The following FLNB variants were observed in gnomAD, a reference collection of about 807,000 sequenced individuals.
FLNB encodes the protein filamin-B.
A neutral mutation model predicts 250.6 loss-of-function variants in FLNB; 111 were observed. That is an observed-to-expected ratio of 0.44 (90% CI 0.38 to 0.52). FLNB has a LOEUF of 0.52. FLNB is among the 20% of genes least tolerant of loss of function. The pLI is 0.00. For missense variants in FLNB, 2,869 were observed against 3,447.8 expected, an observed-to-expected ratio of 0.83 and a Z score of 4.20; for synonymous variants, 1,302 against 1,372.1, an observed-to-expected ratio of 0.95 and a Z score of 1.13.
intron 17 of FLNB, 49 bp downstream of exon 17, chr3:58,111,930 C>A: frequency 6.8e-7 from 1 of 1,473,892 alleles, no homozygotes; most frequent in Non-Finnish European, 9.5e-7. Flanking sequence ...CAGCCGGTGG[C>A]ACTGGGCGTG....
chr3:58,058,232 A>G (rs2097173232), intron 1 of FLNB, among the ~76,000 whole-genome samples: 1 of 152,192 alleles, frequency 6.6e-6, no homozygotes. Flanking sequence ...AACTTTTACT[A>G]AGTTATCTTT....
intron 1 of FLNB, among the ~76,000 whole-genome samples, chr3:58,031,523 C>G (rs529393906): frequency 7.0e-6 from 1 of 143,462 alleles, no homozygotes; most frequent in Admixed American, 7.2e-5. Flanking sequence ...GGATTACAGA[C>G]GTGAGCCACC....
intron 33 of FLNB, 92 bp downstream of exon 33, chr3:58,146,141 A>C: frequency 2.2e-6 from 3 of 1,351,612 alleles, no homozygotes; most frequent in Non-Finnish European, 3.2e-6. Context: ...AAAGTGAGAC[A>C]ATCGAATGGT....
Position 58,073,244 on chromosome 3 carries a change from A to G in FLNB, c.293-3802A>G, listed in dbSNP as rs567449117. Among the ~76,000 whole-genome samples, 4 of 152,220 alleles carry G rather than the reference A, an allele frequency of 2.6e-5. No individual in the cohort carries two copies. The South Asian group carries it at 8.3e-4, about 32-fold the overall frequency. On this transcript the variant is annotated intron_variant, in intron 1 of 45. Coordinates refer to ENST00000295956, the MANE Select transcript of FLNB (RefSeq NM_001457.4). ...CTTTAACTTAAAGGAATTGGCATGGAAACTTGTTTGATCTGGAATTTCTGA... is the reference window on the plus strand; with the variant it reads ...CTTTAACTTAAAGGAATTGGCATGGGAACTTGTTTGATCTGGAATTTCTGA...
chr3:58,063,369 A>C (rs2097181199), intron 1 of FLNB, among the ~76,000 whole-genome samples: 1 of 152,182 alleles, frequency 6.6e-6, no homozygotes, highest in South Asian at 2.1e-4. Context: ...GAGAGTTTGC[A>C]GAGAGCTCTG....
At chr3:58,128,308 A>G (rs1382237026) in intron 24 of FLNB, among the ~76,000 whole-genome samples, 2 of 152,206 alleles carry the variant, frequency 1.3e-5, no homozygotes, top group Non-Finnish European at 2.9e-5. Context: ...CATTCAACTC[A>G]GACTGATTCT....
chr3:58,070,440 T>G (rs1473936723), intron 1 of FLNB, among the ~76,000 whole-genome samples: 5 of 152,116 alleles, frequency 3.3e-5, no homozygotes, highest in Non-Finnish European at 5.9e-5. Context: ...AAAAATAAGG[T>G]TCAGAGATGG....
In FLNB at chr3:58,169,710, G is replaced by A. The variant is rs745321476; in HGVS notation, c.7538G>A (p.Ser2513Asn). The part of the protein sequence containing the change: ...SAIPKASSDA[S>N]KVTSKGAGLS... Reference sequence around the variant, plus strand: ...ATTCCCAAGGCATCCTCGGACGCCAGCAAGGTGACCTCTAAGGGGGCAGGG... The same window carrying A: ...ATTCCCAAGGCATCCTCGGACGCCAACAAGGTGACCTCTAAGGGGGCAGGG... Residue 2513 changes from serine to asparagine, a missense_variant, in exon 45 of 46, where the codon AGC (serine) becomes AAC (asparagine). By Grantham distance (46) the Ser-to-Asn change is conservative. Around this residue, in one of 5 missense-constraint regions of FLNB, gnomAD observed 1,084 missense variants for 1,315.5 expected, o/e 0.82. Transcript: ENST00000295956. The surrounding 1 kb of genome is among the most constrained non-coding windows in gnomAD (Gnocchi z 4.8). 6.2e-7 allele frequency: 1 copy of A among 1,614,122 alleles called. No individual in the cohort carries two copies. The highest frequency in any genetic ancestry group is 2.2e-5 in the East Asian group (1 of 44,878).
chr3:58,163,864 T>G (rs2107321642), intron 43 of FLNB: 1 of 156,608 alleles, frequency 6.4e-6, no homozygotes, highest in East Asian at 1.9e-4. Context: ...TTAGACCCGT[T>G]ACAATTTACT....
chr3:58,094,231 C>T (rs567756820), intron 4 of FLNB, among the ~76,000 whole-genome samples: 9 of 152,326 alleles, frequency 5.9e-5, no homozygotes, highest in African/African-American at 2.2e-4. Flanking sequence ...AGGCATGTGC[C>T]ACCACGTTGT....
intron 4 of FLNB, among the ~76,000 whole-genome samples, chr3:58,082,089 C>T (rs2097209972): frequency 1.3e-5 from 2 of 152,088 alleles, no homozygotes; most frequent in South Asian, 4.1e-4. Context: ...GGTCTTGCCC[C>T]AGATCACCAC....
At chr3:58,041,175 T>A (rs561598887) in intron 1 of FLNB, among the ~76,000 whole-genome samples, 14 of 152,350 alleles carry the variant, frequency 9.2e-5, no homozygotes, top group Non-Finnish European at 1.0e-4. Flanking sequence ...ACAAACCAGA[T>A]TTCTGTGTGG....
intron 20 of FLNB, 132 bp from the exon 21 acceptor site, chr3:58,122,961 C>A: frequency 2.4e-6 from 2 of 831,826 alleles, no homozygotes; most frequent in South Asian, 2.7e-5. Context: ...GCACGTGTGA[C>A]ACATAAAGCC....
chr3:58,131,533 A>G (rs1270323843), intron 25 of FLNB, among the ~76,000 whole-genome samples: 1 of 152,222 alleles, frequency 6.6e-6, no homozygotes, highest in Non-Finnish European at 1.5e-5. Context: ...TTCCTCCTCC[A>G]GCACTTAAAA....
intron 35 of FLNB, 134 bp downstream of exon 35, chr3:58,148,498 A>G: frequency 1.6e-6 from 2 of 1,252,398 alleles, no homozygotes; most frequent in South Asian, 2.5e-5. Flanking sequence ...CACGCACGAT[A>G]AATGCCCAAG....
At chr3:58,153,893 G>C (rs2097349228) in intron 39 of FLNB, among the ~76,000 whole-genome samples, 2 of 152,194 alleles carry the variant, frequency 1.3e-5, no homozygotes, top group Non-Finnish European at 2.9e-5. Context: ...GTGTGCACCT[G>C]AGTCTCTAAT....
At chr3:58,040,597 C>T (rs1294581675) in intron 1 of FLNB, among the ~76,000 whole-genome samples, 4 of 152,318 alleles carry the variant, frequency 2.6e-5, no homozygotes, top group East Asian at 3.9e-4. Context: ...CTGGTTCAAG[C>T]GATTCTCCTG....
intron 8 of FLNB, among the ~76,000 whole-genome samples, chr3:58,099,436 G>T (rs2097245456): frequency 6.6e-6 from 1 of 152,194 alleles, no homozygotes; most frequent in Non-Finnish European, 1.5e-5. Flanking sequence ...CACAGACTCT[G>T]TTGGCCTTAC....
chr3:58,012,746 T>C (rs995115971), intron 1 of FLNB, among the ~76,000 whole-genome samples: 5 of 152,232 alleles, frequency 3.3e-5, no homozygotes, highest in Non-Finnish European at 5.9e-5. Flanking sequence ...TTGGTTGAGA[T>C]TTCCTACTAC....
Sources: allele counts gnomAD v4.1 joint callset (sites outside exome capture counted in the v4.1 genomes callset), GRCh38; gene constraint gnomAD v4.1.1; regional missense constraint gnomAD v4.1.1; non-coding constraint Gnocchi (gnomAD v3.1); transcripts MANE v1.5; gene names NCBI Gene and HGNC (gene_info 2026-07-23, HGNC 2026-07-21).